PIGZ: variants seen among roughly 807,000 people sequenced by gnomAD.
PIGZ encodes the protein GPI alpha-1,2-mannosyltransferase 4.
In PIGZ, 16 loss-of-function variants were observed where a neutral mutation model predicts 16.4. The ratio of observed to expected loss-of-function variants is 0.97; its 90% CI spans 0.66 to 1.48. The LOEUF is 1.48. Among genes scored for constraint, PIGZ ranks in the 40% most tolerant of loss-of-function variants. The pLI is 0.00. For missense variants in PIGZ, 770 were observed against 739.2 expected (o/e 1.04, Z -0.48); for synonymous variants, 409 against 338.4 (o/e 1.21, Z -2.29).
At chr3:196,958,518 C>T (rs1326791096) in intron 1 of PIGZ, among the ~76,000 whole-genome samples, 6 of 152,226 alleles carry the variant, frequency 3.9e-5, no homozygotes, top group African/African-American at 1.4e-4. Context: ...GTCATCCCAG[C>T]TACTGGGGAA....
Position 196,951,814 on chromosome 3 carries a change from G to A in PIGZ, c.211+7C>T, listed in dbSNP as rs765291428. ...AGCTTGTCTCAGCCACACATGCGGA[G>A]TTTTACCTGCCATCACCTCAGGGGA... is the stretch of plus-strand genomic sequence containing the variant. On this transcript the variant is annotated splice_region_variant and intron_variant, in intron 2 of 2. Coordinates refer to ENST00000412723, the MANE Select transcript of PIGZ (RefSeq NM_025163.4). 4 of 1,613,946 alleles carry A rather than the reference G, an allele frequency of 2.5e-6. No homozygotes were observed. Among genetic ancestry groups the A allele is most frequent in the South Asian group, 1.1e-5 (1 of 91,058 alleles).
rs192953968 is a variant in PIGZ at position 196,950,589 on chromosome 3, C to T, written c.211+1232G>A. 3.7e-3 allele frequency among the ~76,000 whole-genome samples: 556 copies of T among 152,282 alleles called. 5 individuals are homozygous for T. Among genetic ancestry groups the T allele is most frequent in the Admixed American group, 0.026 (398 of 15,294 alleles). On this transcript the variant is annotated intron_variant, in intron 2 of 2. Transcript: ENST00000412723. ...TTAGATGTTGAAAGGGAAGCAAAAT[C>T]CAGGATCAAATCTATCTGGCTGCTT...
intron 1 of PIGZ, among the ~76,000 whole-genome samples, chr3:196,954,930 CTT>C (rs141122759): frequency 9.0e-5 from 13 of 145,056 alleles, no homozygotes; most frequent in Non-Finnish European, 9.1e-5. Context: ...TTGTTGAAAT[CTT>C]TTTTTTTTTT....
intron 1 of PIGZ, among the ~76,000 whole-genome samples, chr3:196,962,149 A>G (rs1033181663): frequency 3.3e-5 from 5 of 152,224 alleles, no homozygotes; most frequent in African/African-American, 1.2e-4. Context: ...CTGCTTTGAA[A>G]TGCTATTAAT....
intron 1 of PIGZ, among the ~76,000 whole-genome samples, chr3:196,964,031 C>CTTTTAT (rs1433120965): frequency 1.4e-5 from 2 of 141,570 alleles, no homozygotes; most frequent in Admixed American, 6.9e-5. Flanking sequence ...TATTTGTTTG[C>CTTTTAT]TTTTATTTTT....
Position 196,965,537 on chromosome 3 carries a change from C to T in PIGZ, c.-1+3150G>A, listed in dbSNP as rs1717892718. ...AGTCCAGAATCCCACGGGCTATCTC[C>T]CTCCTCCTTTGTCCCTGCACTACGT... On this transcript the variant is annotated intron_variant, in intron 1 of 2. Transcript: ENST00000412723. The surrounding 1 kb of genome is among the most constrained non-coding windows in gnomAD (Gnocchi z 4.2). Among the ~76,000 whole-genome samples, 1 of 152,186 alleles carries T rather than the reference C, an allele frequency of 6.6e-6. No individual in the cohort carries two copies. Among genetic ancestry groups the T allele is most frequent in the Admixed American group, 6.5e-5 (1 of 15,286 alleles).
chr3:196,961,690 T>G (rs1288378969), intron 1 of PIGZ, among the ~76,000 whole-genome samples: 1 of 152,222 alleles, frequency 6.6e-6, no homozygotes, highest in Non-Finnish European at 1.5e-5. Flanking sequence ...GCCTTTCTCT[T>G]TGTGTGGACA....
intron 2 of PIGZ, among the ~76,000 whole-genome samples, chr3:196,950,558 T>C (rs1717235847): frequency 6.6e-6 from 1 of 152,194 alleles, no homozygotes; most frequent in Non-Finnish European, 1.5e-5. Context: ...GTTTTATCTA[T>C]CTATGTTAGA....
intron 2 of PIGZ, among the ~76,000 whole-genome samples, chr3:196,948,888 C>CCCTTCCCCTCCCCTCCCT (rs1491233513): frequency 1.9e-4 from 2 of 10,744 alleles, no homozygotes; most frequent in African/African-American, 1.1e-3. Flanking sequence ...TCCCTTCCTT[C>CCCTTCCCCTCCCCTCCCT]CCCTTCCTTC....
chr3:196,951,336 C>T (rs1009577948), intron 2 of PIGZ, among the ~76,000 whole-genome samples: 8 of 152,130 alleles, frequency 5.3e-5, no homozygotes, highest in African/African-American at 1.4e-4. Context: ...TTGGGCGAGA[C>T]GGTATGGGCC....
intron 1 of PIGZ, among the ~76,000 whole-genome samples, chr3:196,954,852 C>T (rs1300186815): frequency 6.6e-6 from 1 of 152,138 alleles, no homozygotes; most frequent in African/African-American, 2.4e-5. Context: ...CTTGAGAACA[C>T]CATACATTCT....
Position 196,951,942 on chromosome 3 carries a change from C to T in PIGZ, c.90G>A (p.Leu30=). ...CCCAAAGCACCCTGACTGCCATCTT[C>T]AGATCCAGTTGTTGCCAACACACCG... ...LGPVCWQQLD[L]KMAVRVLWGG... is the part of the protein sequence containing the mutation. Residue 30 remains leucine, a synonymous_variant, in exon 2 of 3, where the codon CTG becomes CTA. Coordinates refer to ENST00000412723, the MANE Select transcript of PIGZ (RefSeq NM_025163.4). 1 of 1,614,226 alleles carries T rather than the reference C, an allele frequency of 6.2e-7. No homozygotes were observed. The highest frequency in any genetic ancestry group is 8.5e-7 in the Non-Finnish European group (1 of 1,180,054).
chr3:196,966,835 TGTCCGGGTGCGG>T (rs1284798350), intron 1 of PIGZ, among the ~76,000 whole-genome samples: 2 of 152,190 alleles, frequency 1.3e-5, no homozygotes, highest in Non-Finnish European at 2.9e-5. Flanking sequence ...CAGAGGGATC[TGTCCGGGTGCGG>T]GTCCAGCACG....
intron 1 of PIGZ, among the ~76,000 whole-genome samples, chr3:196,955,545 T>A (rs1211965180): frequency 6.7e-6 from 1 of 149,540 alleles, no homozygotes; most frequent in African/African-American, 2.5e-5. Context: ...GGTACATCAT[T>A]TTCCAGCCTT....
Position 196,948,584 on chromosome 3 carries a change from A to C in PIGZ, c.313T>G (p.Trp105Gly), listed in dbSNP as rs1191237849. ...FPLLISGSTF[W>G]LLRLWEELGP... Reference sequence around the variant, plus strand: ...AGCTCCTCCCAGAGCCTGAGCAGCCAGAAGGTGGAACCAGAGATCAGCAGG... The same window carrying C: ...AGCTCCTCCCAGAGCCTGAGCAGCCCGAAGGTGGAACCAGAGATCAGCAGG... Residue 105 changes from tryptophan (W) to glycine (G), a missense_variant, in exon 3 of 3, where the codon TGG (tryptophan) becomes GGG (glycine). Trp to Gly is a radical substitution (Grantham distance 184). Transcript: ENST00000412723. The C allele has an allele frequency of 6.3e-7, 1 of 1,583,804 alleles. No individual in the cohort carries two copies. Among genetic ancestry groups the C allele is most frequent in the African/African-American group, 1.3e-5 (1 of 74,260 alleles).
Position 196,947,386 on chromosome 3 carries a change from CTGGT to C in PIGZ, c.1507_1510del (p.Thr503AspfsTer19). 1 of 1,614,092 alleles carries C rather than the reference CTGGT, an allele frequency of 6.2e-7. No homozygotes were observed. Among genetic ancestry groups the C allele is most frequent in the Admixed American group, 1.7e-5 (1 of 60,036 alleles). ...ACCAGCCACTTGGCAGGCTGGTTGT[CTGGT>C]GAAGCTTTTCAGGGTTTGGCACAGG... On this transcript the variant is annotated frameshift_variant, in exon 3 of 3. Coordinates refer to ENST00000412723, the MANE Select transcript of PIGZ (RefSeq NM_025163.4). LOFTEE classifies it high-confidence loss of function.
intron 1 of PIGZ, among the ~76,000 whole-genome samples, chr3:196,954,828 A>C (rs1265742998): frequency 1.3e-5 from 2 of 152,184 alleles, no homozygotes; most frequent in Admixed American, 1.3e-4. Flanking sequence ...ATTTTTGTAG[A>C]TATTCCATGG....
At position 196,951,828 on chromosome 3, in the gene PIGZ, C is replaced by T. The variant is rs1490427572; in HGVS notation, c.204G>A (p.Val68=). 1 of 1,614,158 alleles carries T rather than the reference C, an allele frequency of 6.2e-7. No individual in the cohort carries two copies. The highest frequency in any genetic ancestry group is 8.5e-7 in the Non-Finnish European group (1 of 1,180,032). The change falls in exon 2 of 3, where the codon GTG becomes GTA. Residue 68 remains valine (V), a synonymous_variant. Transcript: ENST00000412723. The part of the protein sequence containing the change: ...HPDEFFQSPE[V]MAEDILGVQA... ...ACACATGCGGAGTTTTACCTGCCATCACCTCAGGGGACTGGAAGAACTCAT... is the reference window on the plus strand; with the variant it reads ...ACACATGCGGAGTTTTACCTGCCATTACCTCAGGGGACTGGAAGAACTCAT...
intron 1 of PIGZ, among the ~76,000 whole-genome samples, chr3:196,961,764 GCTAT>G (rs1246534260): frequency 1.3e-5 from 2 of 152,088 alleles, no homozygotes; most frequent in East Asian, 1.9e-4. Flanking sequence ...TATTTTTGAG[GCTAT>G]CTCTTTTTAA....
Sources: allele counts gnomAD v4.1 joint callset (sites outside exome capture counted in the v4.1 genomes callset), GRCh38; gene constraint gnomAD v4.1.1; non-coding constraint Gnocchi (gnomAD v3.1); transcripts MANE v1.5; gene names NCBI Gene and HGNC (gene_info 2026-07-23, HGNC 2026-07-21).